SVEP1: variants seen among roughly 807,000 people sequenced by gnomAD.
SVEP1 encodes sushi, von Willebrand factor type A, EGF and pentraxin domain-containing protein 1.
SVEP1 carries 164 observed loss-of-function variants against 367.3 expected under a neutral mutation model. The ratio of observed to expected loss-of-function variants is 0.45; its 90% confidence interval spans 0.39 to 0.51. The LOEUF (loss-of-function observed/expected upper bound fraction) is 0.51. Among genes scored for constraint, SVEP1 ranks in the 20% least tolerant of loss-of-function variants. The probability of loss-of-function intolerance (pLI) is 0.00; values close to 1 mark genes in which losing one functional copy is unlikely to be tolerated. For missense variants in SVEP1, 4,117 were observed against 4,425.3 expected (o/e 0.93, Z 1.98); for synonymous variants, 1,666 against 1,611.6 (o/e 1.03, Z -0.81).
At chr9:110,392,774 T>C (rs1025930812) in intron 40 of SVEP1, among the ~76,000 whole-genome samples, 3 of 152,208 alleles carry the variant, frequency 2.0e-5, no homozygotes, top group Non-Finnish European at 1.5e-5. Flanking sequence ...GTGTCATTTA[T>C]GACCTATTTG....
At chr9:110,389,711 T>G (rs1827595751) in intron 40 of SVEP1, 124 bp from the exon 41 acceptor site, 2 of 1,003,754 alleles carry the variant, frequency 2.0e-6, no homozygotes, top group South Asian at 1.9e-5. Flanking sequence ...AATAAACATG[T>G]TAAAAACATT....
At chr9:110,525,984 G>A (rs565083095) in intron 3 of SVEP1, among the ~76,000 whole-genome samples, 43 of 152,158 alleles carry the variant, frequency 2.8e-4, no homozygotes, top group African/African-American at 8.7e-4. Flanking sequence ...TCAGACATCC[G>A]TAAGTACAAT....
intron 40 of SVEP1, among the ~76,000 whole-genome samples, chr9:110,399,483 TATA>T (rs937400230): frequency 1.3e-5 from 2 of 151,964 alleles, no homozygotes; most frequent in Non-Finnish European, 2.9e-5. Flanking sequence ...AAACTTAAAG[TATA>T]ATAATAATAA....
chr9:110,387,627 T>C (rs780367145), intron 41 of SVEP1, among the ~76,000 whole-genome samples, 169 bp from the exon 42 acceptor site: 6 of 152,216 alleles, frequency 3.9e-5, no homozygotes, highest in Non-Finnish European at 7.3e-5. Context: ...TACCTAAGTA[T>C]TGGATTAATA....
chr9:110,481,981 G>A (rs1017244144), intron 11 of SVEP1, among the ~76,000 whole-genome samples: 1 of 152,076 alleles, frequency 6.6e-6, no homozygotes, highest in African/African-American at 2.4e-5. Context: ...CCAAAACACT[G>A]GGATTACAGG....
intron 3 of SVEP1, among the ~76,000 whole-genome samples, chr9:110,528,156 G>GTGTGTATATATATATA: frequency 0.052 from 1,752 of 33,678 alleles, 90 homozygotes; most frequent in Middle Eastern, 0.077. Context: ...GTGTGTGTGT[G>GTGTGTATATATATATA]TATATATATA....
At chr9:110,528,156 G>GTGTGTGTATGTATATATA in intron 3 of SVEP1, among the ~76,000 whole-genome samples, 2 of 33,940 alleles carry the variant, frequency 5.9e-5, no homozygotes, top group Non-Finnish European at 5.7e-5. Flanking sequence ...GTGTGTGTGT[G>GTGTGTGTATGTATATATA]TATATATATA....
Position 110,408,042 on chromosome 9 carries a change from C to T in SVEP1, c.7558G>A (p.Val2520Ile), listed in dbSNP as rs548482419. Residue 2520 changes from valine (V) to isoleucine (I), a missense_variant, in exon 38 of 48, where the codon GTT becomes ATT. By Grantham distance (29) the Val-to-Ile change is conservative. Coordinates refer to ENST00000374469, the MANE Select transcript of SVEP1 (RefSeq NM_153366.4). ...SYTDLHYGQT[V>I]TYSCNRGFRL... ...AAGCCTCGGTTGCAAGAGTAGGTAA[C>T]GGTCTGTCCATAGTGTAGGTCCGTG... The T allele has an allele frequency of 5.9e-5, 96 of 1,614,006 alleles. No homozygotes were observed. Among genetic ancestry groups the T allele is most frequent in the Non-Finnish European group, 7.6e-5 (90 of 1,179,892 alleles).
chr9:110,448,146 T>C (rs28607318), intron 24 of SVEP1, among the ~76,000 whole-genome samples: 3 of 62,368 alleles, frequency 4.8e-5, no homozygotes, highest in East Asian at 1.1e-3. Context: ...TGTGTGTGTG[T>C]GTGCGCGTGT....
At chr9:110,533,591 T>C (rs1363586923) in intron 3 of SVEP1, among the ~76,000 whole-genome samples, 1 of 48,968 alleles carries the variant, frequency 2.0e-5, no homozygotes, top group Non-Finnish European at 5.1e-5. Flanking sequence ...TATCTCTGTG[T>C]GTCTGTGTGT....
chr9:110,519,837 T>TTCC (rs1829855481), intron 3 of SVEP1, among the ~76,000 whole-genome samples: 8 of 152,166 alleles, frequency 5.3e-5, no homozygotes, highest in Non-Finnish European at 1.0e-4. Context: ...GCTCTTCCAC[T>TTCC]AACAAGCTAT....
At chr9:110,482,252 C>T (rs1039176194) in intron 11 of SVEP1, 109 bp downstream of exon 11, 2 of 1,223,506 alleles carry the variant, frequency 1.6e-6, no homozygotes, top group South Asian at 4.6e-5. Flanking sequence ...AGTCTTCTAA[C>T]TGTAAAAATC....
chr9:110,394,337 C>G (rs1410128066), intron 40 of SVEP1, among the ~76,000 whole-genome samples: 2 of 152,044 alleles, frequency 1.3e-5, no homozygotes, highest in Non-Finnish European at 2.9e-5. Context: ...ACATCCACAC[C>G]AAAAACCCAT....
At chr9:110,552,440 T>C (rs888985994) in intron 1 of SVEP1, among the ~76,000 whole-genome samples, 1 of 152,200 alleles carries the variant, frequency 6.6e-6, no homozygotes, top group Non-Finnish European at 1.5e-5. Flanking sequence ...AGTTTCAGGA[T>C]GATTCAAGCA....
At chr9:110,555,618 T>C (rs78458478) in intron 1 of SVEP1, among the ~76,000 whole-genome samples, 1 of 152,222 alleles carries the variant, frequency 6.6e-6, no homozygotes, top group Admixed American at 6.5e-5. Flanking sequence ...CATGATTCTA[T>C]TTTTCTTCTC....
chr9:110,414,990 C>G (rs73655344), intron 36 of SVEP1, among the ~76,000 whole-genome samples: 3,821 of 151,860 alleles, frequency 0.025, 221 homozygotes, highest in African/African-American at 0.088. Context: ...CGTTTCTCAC[C>G]AAGGAGTATA....
At chr9:110,401,582 A>G (rs1245078156) in intron 39 of SVEP1, among the ~76,000 whole-genome samples, 1 of 150,532 alleles carries the variant, frequency 6.6e-6, no homozygotes, top group African/African-American at 2.4e-5. Flanking sequence ...TAATGATTAA[A>G]ATAAATTTTA....
Position 110,579,667 on chromosome 9 carries a change from T to G in SVEP1, c.-124A>C. 1 of 1,197,004 alleles carries G rather than the reference T, an allele frequency of 8.4e-7. No homozygotes were observed. Among genetic ancestry groups the G allele is most frequent in the Non-Finnish European group, 1.1e-6 (1 of 904,118 alleles). 74.1% of individuals were successfully genotyped at this position (1,197,004 alleles called of 1,614,324 possible). A position where few individuals can be genotyped will look rare whatever the true frequency, so the allele number is the denominator to read the frequency against. ...GGGCGCGGGGCAGCGGCCAAGAGCC[T>G]CAGCGCCCTTTCATCTGACACTGGG... is the stretch of plus-strand genomic sequence containing the variant. On this transcript the variant is annotated 5_prime_UTR_variant, in exon 1 of 48. An upstream open reading frame in the 5' UTR loses its in-frame stop. Transcript: ENST00000374469. The surrounding 1 kb of genome is among the most constrained non-coding windows in gnomAD (Gnocchi z 5.3).
rs143902942 is a variant in SVEP1, at chr9:110,508,133, C to T, written c.1303+4793G>A. Among the ~76,000 whole-genome samples the T allele has an allele frequency of 3.0e-3, 457 of 152,228 alleles. 2 individuals carry two copies. The highest frequency in any genetic ancestry group is 0.011 in the African/African-American group (438 of 41,552). On this transcript the variant is annotated intron_variant, in intron 5 of 47. Transcript: ENST00000374469. ...TTTCATTTCAACATGCCGAAAAATC[C>T]TGCAATTAATATTTCTTGACTTACA...
Sources: gnomAD v4.1 joint callset for allele counts (sites outside exome capture counted in the v4.1 genomes callset) on GRCh38, gnomAD v4.1.1 for gene constraint, Gnocchi (gnomAD v3.1) non-coding constraint, MANE v1.5 for transcripts, NCBI Gene and HGNC (gene_info 2026-07-23, HGNC 2026-07-21) for gene names.